The following ZNF521 variants were observed in gnomAD, a reference collection of about 807,000 sequenced individuals.
ZNF521 encodes the protein zinc finger protein 521, also known as LYST-interacting protein 3.
Under a neutral mutation model 105.5 loss-of-function variants are expected in ZNF521, and 14 were observed. The ratio of observed to expected loss-of-function variants is 0.13; its 90% CI spans 0.09 to 0.21. The LOEUF is 0.21. Among genes scored for constraint, ZNF521 ranks in the 10% least tolerant of loss-of-function variants. The pLI is 1.00. For synonymous variants in ZNF521, 635 were observed against 606.0 expected, an observed-to-expected ratio of 1.05 and a Z score of -0.70; for missense variants, 1,233 against 1,629.7, an observed-to-expected ratio of 0.76 and a Z score of 4.19.
intron 5 of ZNF521, among the ~76,000 whole-genome samples, chr18:25,138,359 A>G (rs2034775810): frequency 6.6e-6 from 1 of 152,180 alleles, no homozygotes; most frequent in Non-Finnish European, 1.5e-5. Flanking sequence ...ATAACCCTGA[A>G]TAATATTCTA....
chr18:25,278,111 A>G (rs917375637), intron 3 of ZNF521, among the ~76,000 whole-genome samples: 14 of 152,242 alleles, frequency 9.2e-5, no homozygotes, highest in African/African-American at 3.4e-4. Flanking sequence ...AAATGGTGCC[A>G]CAGCAAAATA....
At chr18:25,178,302 T>C (rs1379516320) in intron 5 of ZNF521, among the ~76,000 whole-genome samples, 1 of 152,246 alleles carries the variant, frequency 6.6e-6, no homozygotes, top group Non-Finnish European at 1.5e-5. Context: ...ATGTGCGCTA[T>C]TAAGACAGGA....
chr18:25,324,518 T>C (rs1465013140), intron 2 of ZNF521, among the ~76,000 whole-genome samples: 1 of 152,054 alleles, frequency 6.6e-6, no homozygotes, highest in African/African-American at 2.4e-5. Context: ...CTATGGCAAA[T>C]TGACCCCCAC....
chr18:25,085,406 A>ACGTT (rs1415440137), intron 7 of ZNF521, among the ~76,000 whole-genome samples: 2 of 151,972 alleles, frequency 1.3e-5, no homozygotes, highest in African/African-American at 4.8e-5. Context: ...TTTCATAGAA[A>ACGTT]TAAGGGCTTC....
In ZNF521 at chr18:25,179,294, C is replaced by A. The variant is rs577887869; in HGVS notation, c.3658+15866G>T. ...TCAGCCTCCAGAGTAGCTAGGATTA[C>A]ACATGCCACCACATCTGGCTAATTT... On this transcript the variant is annotated intron_variant, in intron 5 of 7. Transcript: ENST00000361524. Among the ~76,000 whole-genome samples the A allele has an allele frequency of 6.7e-4, 101 of 151,556 alleles. 1 individual carries two copies. The South Asian group carries it at 0.018, about 26-fold the overall frequency.
intron 3 of ZNF521, among the ~76,000 whole-genome samples, chr18:25,237,536 C>T (rs1288871128): frequency 6.6e-6 from 1 of 152,126 alleles, no homozygotes; most frequent in East Asian, 1.9e-4. Flanking sequence ...CATGATACCT[C>T]CACATACTAG....
rs534783593 is a variant in ZNF521, at chr18:25,074,079, CGT to C, written c.3907-11340_3907-11339del. Among the ~76,000 whole-genome samples the C allele has an allele frequency of 9.9e-5, 15 of 151,684 alleles. No homozygotes were observed. In the South Asian group the frequency reaches 2.7e-3, roughly 27 times the overall value. ...ATGTGTGCGCACGCGTGTGTGCGTG[CGT>C]GTGTGCACGCGCACGGGAATATGCC... On this transcript the variant is annotated intron_variant, in intron 7 of 7. Coordinates refer to ENST00000361524, the MANE Select transcript of ZNF521 (RefSeq NM_015461.3).
chr18:25,200,436 C>T (rs1296640313), intron 4 of ZNF521, among the ~76,000 whole-genome samples: 5 of 151,462 alleles, frequency 3.3e-5, no homozygotes, highest in African/African-American at 4.8e-5. Flanking sequence ...TGTACCTTTA[C>T]GTGTATTTGT....
At chr18:25,284,910 G>GCGCGCACA (rs1555658165) in intron 3 of ZNF521, among the ~76,000 whole-genome samples, 6 of 148,688 alleles carry the variant, frequency 4.0e-5, no homozygotes, top group African/African-American at 9.8e-5. Flanking sequence ...GTGCGCGCGC[G>GCGCGCACA]CACACACACA....
intron 5 of ZNF521, among the ~76,000 whole-genome samples, chr18:25,161,942 G>A (rs2035258872): frequency 6.6e-6 from 1 of 152,170 alleles, no homozygotes; most frequent in Admixed American, 6.6e-5. Context: ...ATGACAAGCA[G>A]TGGTTCCTGG....
chr18:25,283,266 C>G (rs1910494495), intron 3 of ZNF521, among the ~76,000 whole-genome samples: 1 of 152,200 alleles, frequency 6.6e-6, no homozygotes, highest in African/African-American at 2.4e-5. Context: ...CCTCAGTCAC[C>G]TGGTTTTGCA....
At chr18:25,326,535 A>T (rs1600311132) in intron 2 of ZNF521, among the ~76,000 whole-genome samples, 1 of 152,246 alleles carries the variant, frequency 6.6e-6, no homozygotes. Flanking sequence ...CCGTAGCTGC[A>T]CTACATTTAT....
intron 6 of ZNF521, among the ~76,000 whole-genome samples, 196 bp downstream of exon 6, chr18:25,091,754 A>G (rs2033751487): frequency 6.6e-6 from 1 of 152,222 alleles, no homozygotes; most frequent in Non-Finnish European, 1.5e-5. Flanking sequence ...CCTGACAGTT[A>G]ACCTTCCTGC....
rs111733092 is a variant in ZNF521, at chr18:25,117,337, A to T, written c.3659-25256T>A. ...ACCTGTCTGCTAAAACAAAAATATC[A>T]GCCTCCTCTGGAAGAATGTATCAGA... On this transcript the variant is annotated intron_variant, in intron 5 of 7. Transcript: ENST00000361524. Among the ~76,000 whole-genome samples, 501 of 152,138 alleles carry T rather than the reference A, an allele frequency of 3.3e-3. 4 individuals carry two copies. Among genetic ancestry groups the T allele is most frequent in the African/African-American group, 0.012 (479 of 41,522 alleles).
intron 7 of ZNF521, among the ~76,000 whole-genome samples, chr18:25,071,660 G>C (rs974377647): frequency 2.0e-5 from 3 of 152,126 alleles, no homozygotes; most frequent in African/African-American, 7.2e-5. Flanking sequence ...GCAGCATCTG[G>C]TCCAGTATCT....
chr18:25,317,417 C>T (rs999716680), intron 3 of ZNF521, among the ~76,000 whole-genome samples: 1 of 152,084 alleles, frequency 6.6e-6, no homozygotes, highest in African/African-American at 2.4e-5. Context: ...ATAGGGCACG[C>T]ACTCAGTAAA....
At chr18:25,108,058 T>C (rs1234502133) in intron 5 of ZNF521, among the ~76,000 whole-genome samples, 2 of 152,244 alleles carry the variant, frequency 1.3e-5, no homozygotes, top group African/African-American at 4.8e-5. Context: ...AGTGAGATTA[T>C]TGTCACAGGA....
chr18:25,265,784 T>C (rs886221898), intron 3 of ZNF521, among the ~76,000 whole-genome samples: 11 of 152,180 alleles, frequency 7.2e-5, no homozygotes, highest in Non-Finnish European at 1.6e-4. Flanking sequence ...GGAAGCAACC[T>C]AAGCGTCTAT....
At chr18:25,265,386 T>C (rs936510780) in intron 3 of ZNF521, among the ~76,000 whole-genome samples, 3 of 152,238 alleles carry the variant, frequency 2.0e-5, no homozygotes, top group Non-Finnish European at 4.4e-5. Context: ...GAAGTTATCA[T>C]AAACATTCCT....
Sources: allele counts gnomAD v4.1 joint callset (sites outside exome capture counted in the v4.1 genomes callset), GRCh38; gene constraint gnomAD v4.1.1; transcripts MANE v1.5; gene names NCBI Gene and HGNC (gene_info 2026-07-23, HGNC 2026-07-21).